Variants in SLC1A7 observed in about 807,000 individuals in gnomAD.
SLC1A7 encodes the protein excitatory amino acid transporter 5.
SLC1A7 carries 40 observed loss-of-function variants against 47.7 expected under a neutral mutation model. The ratio of observed to expected loss-of-function variants is 0.84; its 90% CI spans 0.65 to 1.09. The LOEUF (loss-of-function observed/expected upper bound fraction) is 1.09, where lower values mean the gene tolerates loss of function less well. Among genes scored for constraint, SLC1A7 ranks in the 50% least tolerant of loss-of-function variants. The probability of loss-of-function intolerance (pLI) is 0.00; values close to 1 mark genes in which losing one functional copy is unlikely to be tolerated. For missense variants in SLC1A7, 746 were observed against 769.5 expected, an observed-to-expected ratio of 0.97 and a Z score of 0.36; for synonymous variants, 323 against 325.6, an observed-to-expected ratio of 0.99 and a Z score of 0.09.
Position 53,142,443 on chromosome 1 carries a change from G to A in SLC1A7, c.7C>T (p.Pro3Ser). 1.2e-6 allele frequency: 2 copies of A among 1,613,340 alleles called. No individual in the cohort carries two copies. Among genetic ancestry groups the A allele is most frequent in the Non-Finnish European group, 1.7e-6 (2 of 1,179,778 alleles). ...CTCCCCCGTGCCAAGATGGCATGCGGCACCATGGTGAGCCTGGCCTGCTGG... is the reference window on the plus strand; with the variant it reads ...CTCCCCCGTGCCAAGATGGCATGCGACACCATGGTGAGCCTGGCCTGCTGG... MV[P>S]HAILARGRDV... Residue 3 changes from proline (P) to serine (S), a missense_variant, in exon 1 of 11, where the codon CCG (proline) becomes TCG (serine). Physicochemically the swap from Pro to Ser is moderately conservative, Grantham distance 74 (BLOSUM62 -1). Coordinates refer to ENST00000371494, the MANE Select transcript of SLC1A7 (RefSeq NM_006671.6).
At chr1:53,110,680 G>A (rs1196914477) in intron 3 of SLC1A7, among the ~76,000 whole-genome samples, 1 of 152,146 alleles carries the variant, frequency 6.6e-6, no homozygotes, top group Non-Finnish European at 1.5e-5. Context: ...ATGAATCACA[G>A]TTACCAGATC....
chr1:53,136,548 T>TATATAACCATATATA (rs1557693258), intron 1 of SLC1A7, among the ~76,000 whole-genome samples: 1 of 40,422 alleles, frequency 2.5e-5, no homozygotes, highest in Non-Finnish European at 4.9e-5. Flanking sequence ...ATATATATAA[T>TATATAACCATATATA]ATATATAAAC....
At chr1:53,103,727 A>G (rs1288420) in intron 4 of SLC1A7, 159 bp from the exon 5 acceptor site, 447,157 of 526,008 alleles carry the variant, frequency 0.85, 190,698 homozygotes, top group East Asian at 0.97. Context: ...GATTGCTATC[A>G]ATATTTTACC....
intron 2 of SLC1A7, among the ~76,000 whole-genome samples, chr1:53,122,544 A>T (rs540612320): frequency 6.6e-6 from 1 of 152,168 alleles, no homozygotes. Flanking sequence ...TGCCATGCCC[A>T]TTAGCGCCAG....
intron 3 of SLC1A7, among the ~76,000 whole-genome samples, chr1:53,106,217 A>C (rs1470236943): frequency 1.3e-5 from 2 of 151,860 alleles, no homozygotes; most frequent in African/African-American, 4.8e-5. Context: ...TGCAGGTGGG[A>C]CTTGGTTGTT....
chr1:53,126,293 G>A (rs1644881395), intron 2 of SLC1A7, among the ~76,000 whole-genome samples: 1 of 152,212 alleles, frequency 6.6e-6, no homozygotes, highest in Non-Finnish European at 1.5e-5. Flanking sequence ...GCCCTCACCT[G>A]GGGAAGAGCC....
In SLC1A7 at chr1:53,108,308, A is replaced by G. The variant is rs1644666559; in HGVS notation, c.432-2534T>C. Reference sequence around the variant, plus strand: ...GTTTACACACACGGAGAACATTTGGAAGCTCGTAAGAAGCCAAATGGAACT... The same window carrying G: ...GTTTACACACACGGAGAACATTTGGGAGCTCGTAAGAAGCCAAATGGAACT... On this transcript the variant is annotated intron_variant, in intron 3 of 10. Coordinates refer to ENST00000371494, the MANE Select transcript of SLC1A7 (RefSeq NM_006671.6). 7.1e-6 allele frequency: 3 copies of G among 423,850 alleles called. No homozygotes were observed. In the South Asian group the frequency reaches 8.7e-5, roughly 12 times the overall value. 26.3% of individuals were successfully genotyped at this position (423,850 alleles called of 1,614,324 possible).
chr1:53,090,110 G>T (rs559049941), intron 8 of SLC1A7, 176 bp from the exon 9 acceptor site: 189 of 669,388 alleles, frequency 2.8e-4, no homozygotes, highest in Admixed American at 5.3e-4. Flanking sequence ...TCACAGTCCT[G>T]AAGCCCCATG....
intron 3 of SLC1A7, among the ~76,000 whole-genome samples, chr1:53,109,074 A>G (rs1481300794): frequency 6.6e-6 from 1 of 152,086 alleles, no homozygotes; most frequent in Non-Finnish European, 1.5e-5. Flanking sequence ...TGCCTATCAA[A>G]TACCCACACA....
At chr1:53,141,706 C>T (rs190172810) in intron 1 of SLC1A7, among the ~76,000 whole-genome samples, 9 of 151,694 alleles carry the variant, frequency 5.9e-5, no homozygotes, top group East Asian at 3.9e-4. Flanking sequence ...TCTGCACTGC[C>T]GCATCTCCCC....
chr1:53,090,147 TC>T, intron 8 of SLC1A7: 1 of 622,562 alleles, frequency 1.6e-6, no homozygotes, highest in East Asian at 2.8e-5. Context: ...CTCAGGAGAA[TC>T]CCTGGGAACT....
intron 4 of SLC1A7, among the ~76,000 whole-genome samples, chr1:53,105,450 G>A (rs978651398): frequency 2.0e-5 from 3 of 152,162 alleles, no homozygotes; most frequent in Admixed American, 1.3e-4. Context: ...GTGTGGATGG[G>A]CGAGATGGTG....
intron 4 of SLC1A7, among the ~76,000 whole-genome samples, chr1:53,104,836 G>A (rs1572318976): frequency 6.6e-6 from 1 of 152,150 alleles, no homozygotes; most frequent in Non-Finnish European, 1.5e-5. Context: ...GTTTAGAAAG[G>A]GAAAAAGAAT....
chr1:53,089,219 CT>C (rs1174867225), intron 9 of SLC1A7, among the ~76,000 whole-genome samples: 2 of 151,938 alleles, frequency 1.3e-5, no homozygotes, highest in African/African-American at 4.8e-5. Flanking sequence ...GTTTAATCCT[CT>C]GCTGTTTCTG....
At chr1:53,140,465 T>C (rs191326319) in intron 1 of SLC1A7, among the ~76,000 whole-genome samples, 2 of 140,440 alleles carry the variant, frequency 1.4e-5, no homozygotes, top group East Asian at 2.4e-4. Flanking sequence ...CACGTTTTGG[T>C]TAAAAAAAAA....
At chr1:53,090,466 C>A (rs1572291185) in intron 8 of SLC1A7, 146 bp downstream of exon 8, 2 of 1,291,248 alleles carry the variant, frequency 1.5e-6, no homozygotes, top group Non-Finnish European at 2.1e-6. Flanking sequence ...GTCCTCCAGG[C>A]TCGGAGCTCC....
At chr1:53,135,335 C>G (rs1194385145) in intron 1 of SLC1A7, among the ~76,000 whole-genome samples, 1 of 152,218 alleles carries the variant, frequency 6.6e-6, no homozygotes, top group Non-Finnish European at 1.5e-5. Flanking sequence ...GGTGAGGAGA[C>G]CCACTCCTAA....
chr1:53,130,732 AGC>A (rs2150343589), intron 2 of SLC1A7, among the ~76,000 whole-genome samples: 1 of 152,294 alleles, frequency 6.6e-6, no homozygotes, highest in African/African-American at 2.4e-5. Flanking sequence ...TAGCTCAGTC[AGC>A]TCAGGGTCAG....
At chr1:53,100,672 C>A (rs1206362552) in intron 5 of SLC1A7, among the ~76,000 whole-genome samples, 1 of 149,562 alleles carries the variant, frequency 6.7e-6, no homozygotes, top group Non-Finnish European at 1.5e-5. Context: ...ACTCACACGA[C>A]TTGCCTCGGT....
Sources: gnomAD v4.1 joint callset for allele counts (sites outside exome capture counted in the v4.1 genomes callset) on GRCh38, gnomAD v4.1.1 for gene constraint, MANE v1.5 for transcripts, NCBI Gene and HGNC (gene_info 2026-07-23, HGNC 2026-07-21) for gene names.